The following GNAT3 variants were observed in gnomAD, a reference collection of about 807,000 sequenced individuals.
GNAT3 encodes G protein subunit alpha transducin 3.
In GNAT3, 31 loss-of-function variants were observed where a neutral mutation model predicts 37.7. That is an observed-to-expected ratio of 0.82 (90% CI 0.62 to 1.11). The LOEUF (loss-of-function observed/expected upper bound fraction) is 1.11, where lower values mean the gene tolerates loss of function less well. Among genes scored for constraint, GNAT3 ranks in the 50% most tolerant of loss-of-function variants. The pLI, the probability that GNAT3 is intolerant of heterozygous loss-of-function variation, is 0.00. For synonymous variants in GNAT3, 138 were observed against 139.8 expected (o/e 0.99, Z 0.09); for missense variants, 437 against 412.5 (o/e 1.06, Z -0.51).
chr7:80,459,110 A>T (rs990434820), intron 7 of GNAT3, among the ~76,000 whole-genome samples: 17 of 152,180 alleles, frequency 1.1e-4, no homozygotes, highest in African/African-American at 4.1e-4. Flanking sequence ...TTTATAAAAC[A>T]AAGTGAGTGA....
intron 3 of GNAT3, among the ~76,000 whole-genome samples, chr7:80,483,921 T>A (rs1317812868): frequency 6.6e-6 from 1 of 152,176 alleles, no homozygotes; most frequent in Non-Finnish European, 1.5e-5. Flanking sequence ...ACAGTGGGCC[T>A]GGAATGGCTC....
At chr7:80,472,818 G>A (rs1046971241) in intron 5 of GNAT3, among the ~76,000 whole-genome samples, 6 of 152,110 alleles carry the variant, frequency 3.9e-5, no homozygotes, top group African/African-American at 1.4e-4. Flanking sequence ...CATTAGGCAA[G>A]CAAATAAAGA....
chr7:80,511,869 C>T lies in GNAT3; in HGVS notation c.58G>A (p.Glu20Lys), dbSNP rs1335758404. ...TCAGCATCCTCCTGAAGCTTTTTCT[C>T]CAGTTCTTTTGATCTTTTGGCTGAC... The part of the protein sequence containing the change: ...KESAKRSKEL[E>K]KKLQEDAERD... Residue 20 changes from glutamate (E) to lysine (K), a missense_variant, in exon 1 of 8, where the codon GAG becomes AAG. Coordinates refer to ENST00000398291, the MANE Select transcript of GNAT3 (RefSeq NM_001102386.3). 1 of 1,612,344 alleles carries T rather than the reference C, an allele frequency of 6.2e-7. No individual in the cohort carries two copies. Among genetic ancestry groups the T allele is most frequent in the Non-Finnish European group, 8.5e-7 (1 of 1,179,002 alleles).
At chr7:80,494,470 G>T in intron 2 of GNAT3, 135 bp downstream of exon 2, 1 of 553,544 alleles carries the variant, frequency 1.8e-6, no homozygotes, top group Non-Finnish European at 3.3e-6. Flanking sequence ...TATTTGCACA[G>T]GAACTATGAC....
intron 1 of GNAT3, among the ~76,000 whole-genome samples, chr7:80,504,991 G>A (rs1413593185): frequency 6.6e-6 from 1 of 152,184 alleles, no homozygotes; most frequent in Admixed American, 6.5e-5. Flanking sequence ...GACTGAAAAT[G>A]ATACACTGTT....
intron 1 of GNAT3, among the ~76,000 whole-genome samples, chr7:80,505,399 A>G (rs1277534928): frequency 2.6e-5 from 4 of 152,098 alleles, no homozygotes; most frequent in Non-Finnish European, 4.4e-5. Flanking sequence ...ACAGAGTCTC[A>G]CTCTGTGCCC....
intron 5 of GNAT3, among the ~76,000 whole-genome samples, chr7:80,468,414 T>C (rs1206593281): frequency 4.6e-5 from 7 of 152,160 alleles, no homozygotes; most frequent in African/African-American, 7.2e-5. Flanking sequence ...CCTATAAGCA[T>C]GTACTTATCT....
chr7:80,479,692 C>T (rs547359264), intron 3 of GNAT3, among the ~76,000 whole-genome samples: 1 of 117,088 alleles, frequency 8.5e-6, no homozygotes, highest in Admixed American at 1.1e-4. Flanking sequence ...GCCTAGGTGA[C>T]AGAGCCAGAC....
chr7:80,494,744 A>G (rs1419045698), intron 1 of GNAT3, 97 bp from the exon 2 acceptor site: 1 of 738,978 alleles, frequency 1.4e-6, no homozygotes. Context: ...AATTTTTTTT[A>G]ATAGGTTTAG....
chr7:80,499,528 A>C (rs1790795170), intron 1 of GNAT3, among the ~76,000 whole-genome samples: 1 of 152,130 alleles, frequency 6.6e-6, no homozygotes, highest in South Asian at 2.1e-4. Flanking sequence ...AATTACAAGC[A>C]TGAGCCCCTA....
Position 80,480,856 on chromosome 7 carries a change from C to T in GNAT3, c.304-1858G>A, listed in dbSNP as rs149832559. Among the ~76,000 whole-genome samples the T allele has an allele frequency of 2.0e-5, 3 of 152,134 alleles. No homozygotes were observed. The South Asian group carries it at 6.2e-4, about 32-fold the overall frequency. On this transcript the variant is annotated intron_variant, in intron 3 of 7. Transcript: ENST00000398291. ...CGTTATGACCTGCATCTTGTGCCGA[C>T]CTCCTTATCTCACCCTGTAACTTAG...
At chr7:80,495,931 C>A (rs1790708466) in intron 1 of GNAT3, among the ~76,000 whole-genome samples, 1 of 152,052 alleles carries the variant, frequency 6.6e-6, no homozygotes, top group Non-Finnish European at 1.5e-5. Flanking sequence ...TGTTTGAATT[C>A]CTTGTAGATT....
At chr7:80,508,557 G>A (rs1790995240) in intron 1 of GNAT3, among the ~76,000 whole-genome samples, 1 of 151,912 alleles carries the variant, frequency 6.6e-6, no homozygotes, top group African/African-American at 2.4e-5. Context: ...AAAGCATGTG[G>A]CATTATTTTC....
At chr7:80,471,602 C>T (rs544873924) in intron 5 of GNAT3, among the ~76,000 whole-genome samples, 21 of 152,138 alleles carry the variant, frequency 1.4e-4, no homozygotes, top group African/African-American at 4.6e-4. Context: ...TTTTATCCTC[C>T]CTCCCGCCTT....
chr7:80,481,035 CTTA>C (rs1305847778), intron 3 of GNAT3, among the ~76,000 whole-genome samples: 9 of 152,138 alleles, frequency 5.9e-5, no homozygotes, highest in Non-Finnish European at 7.4e-5. Flanking sequence ...TACAACTCAG[CTTA>C]TTATTATTTT....
intron 7 of GNAT3, among the ~76,000 whole-genome samples, chr7:80,459,523 T>A (rs144678729): frequency 2.6e-5 from 4 of 152,326 alleles, no homozygotes; most frequent in African/African-American, 9.6e-5. Flanking sequence ...TTCACTGATG[T>A]GTTATATAGC....
At chr7:80,467,944 A>C (rs1273597003) in intron 5 of GNAT3, among the ~76,000 whole-genome samples, 3 of 151,900 alleles carry the variant, frequency 2.0e-5, no homozygotes, top group African/African-American at 7.2e-5. Context: ...TATTTATTTA[A>C]GTTTTTTTTT....
chr7:80,486,564 C>A (rs1584183052), intron 3 of GNAT3: 2 of 151,222 alleles, frequency 1.3e-5, no homozygotes, highest in African/African-American at 4.9e-5. Context: ...CCCACCTCAG[C>A]CTCCCAAGTA....
rs996315987 is a variant in GNAT3, at chr7:80,497,464, C to A, written c.119-2817G>T. ...TATTTTAAAATCTCTAACAATGGAACTGAATATTCGAAATTCTAGCATCAT... is the reference window on the plus strand; with the variant it reads ...TATTTTAAAATCTCTAACAATGGAAATGAATATTCGAAATTCTAGCATCAT... On this transcript the variant is annotated intron_variant, in intron 1 of 7. Transcript: ENST00000398291. Among the ~76,000 whole-genome samples, 5 of 151,604 alleles carry A rather than the reference C, an allele frequency of 3.3e-5. No individual in the cohort carries two copies. The East Asian group carries it at 9.7e-4, about 29-fold the overall frequency.
Sources: gnomAD v4.1 joint callset for allele counts (sites outside exome capture counted in the v4.1 genomes callset) on GRCh38, gnomAD v4.1.1 for gene constraint, MANE v1.5 for transcripts, NCBI Gene and HGNC (gene_info 2026-07-23, HGNC 2026-07-21) for gene names.